HTR1F: variants seen among roughly 807,000 people sequenced by gnomAD.
HTR1F encodes the protein 5-hydroxytryptamine receptor 1F, also known as 5-hydroxytryptamine (serotonin) receptor 1F, G protein-coupled.
HTR1F carries 17 observed loss-of-function variants against 24.0 expected under a neutral mutation model. The ratio of observed to expected loss-of-function variants is 0.71; its 90% CI spans 0.48 to 1.06. The LOEUF (loss-of-function observed/expected upper bound fraction) is 1.06, where lower values mean the gene tolerates loss of function less well. Among genes scored for constraint, HTR1F ranks in the 50% least tolerant of loss-of-function variants. The pLI is 0.00. For missense variants in HTR1F, 391 were observed against 427.8 expected (o/e 0.91, Z 0.76); for synonymous variants, 186 against 156.8 (o/e 1.19, Z -1.39).
intron 2 of HTR1F, among the ~76,000 whole-genome samples, chr3:87,867,142 C>T (rs1050628048): frequency 2.6e-5 from 4 of 151,776 alleles, no homozygotes; most frequent in Admixed American, 6.6e-5. Flanking sequence ...TTCCAGAACA[C>T]GGTAGGAAAT....
intron 1 of HTR1F, among the ~76,000 whole-genome samples, chr3:87,806,883 T>C (rs1704082162): frequency 6.6e-6 from 1 of 151,834 alleles, no homozygotes; most frequent in African/African-American, 2.4e-5. Flanking sequence ...GACCATTTAT[T>C]GAAGAGACTC....
At chr3:87,919,992 G>A (rs1703976139) in intron 2 of HTR1F, among the ~76,000 whole-genome samples, 1 of 148,810 alleles carries the variant, frequency 6.7e-6, no homozygotes, top group Non-Finnish European at 1.5e-5. Context: ...TCAATGAGTG[G>A]ATAAAGAAAC....
chr3:87,935,001 G>T (rs1704376881), intron 2 of HTR1F, among the ~76,000 whole-genome samples: 1 of 152,084 alleles, frequency 6.6e-6, no homozygotes, highest in African/African-American at 2.4e-5. Context: ...AAGTAGCTGG[G>T]ACCAAAGTCC....
intron 1 of HTR1F, among the ~76,000 whole-genome samples, chr3:87,803,825 T>C (rs895291655): frequency 2.0e-5 from 3 of 152,172 alleles, no homozygotes; most frequent in African/African-American, 7.2e-5. Flanking sequence ...AATAAACTGA[T>C]CATTTTTACA....
intron 2 of HTR1F, among the ~76,000 whole-genome samples, chr3:87,900,221 T>G (rs2938269): frequency 0.089 from 13,528 of 152,102 alleles, 1,890 homozygotes; most frequent in African/African-American, 0.3. Flanking sequence ...AGATAAAGTC[T>G]CGTGGATGGG....
At chr3:87,911,004 C>T (rs777892206) in intron 2 of HTR1F, among the ~76,000 whole-genome samples, 34 of 151,750 alleles carry the variant, frequency 2.2e-4, no homozygotes, top group Non-Finnish European at 5.0e-4. Context: ...GCACTAAATG[C>T]CTACATCAAA....
chr3:87,967,812 G>C (rs1426926552), intron 2 of HTR1F, among the ~76,000 whole-genome samples: 2 of 152,158 alleles, frequency 1.3e-5, no homozygotes, highest in Admixed American at 1.3e-4. Context: ...CCCAGTCTCA[G>C]GTATGTGTAT....
At chr3:87,797,872 CA>C (rs1050947921) in intron 1 of HTR1F, among the ~76,000 whole-genome samples, 6 of 152,026 alleles carry the variant, frequency 3.9e-5, no homozygotes, top group Non-Finnish European at 7.4e-5. Flanking sequence ...GATGGTGGGA[CA>C]AAAAGGAATA....
chr3:87,846,366 A>C (rs1704944035), intron 2 of HTR1F, among the ~76,000 whole-genome samples: 1 of 151,874 alleles, frequency 6.6e-6, no homozygotes. Context: ...CCTGGGAGGC[A>C]GAGGTTGTTG....
chr3:87,849,406 T>C (rs952857420), intron 2 of HTR1F, among the ~76,000 whole-genome samples: 1 of 151,878 alleles, frequency 6.6e-6, no homozygotes, highest in Non-Finnish European at 1.5e-5. Flanking sequence ...GCTAGCCATA[T>C]GTAGAAAGCT....
chr3:87,812,644 G>C (rs1704181088), intron 1 of HTR1F, among the ~76,000 whole-genome samples: 1 of 152,142 alleles, frequency 6.6e-6, no homozygotes, highest in Admixed American at 6.5e-5. Context: ...AAGACAATGG[G>C]GAAAATATCT....
chr3:87,924,145 C>T (rs79431401), intron 2 of HTR1F, among the ~76,000 whole-genome samples: 1 of 151,914 alleles, frequency 6.6e-6, no homozygotes, highest in Non-Finnish European at 1.5e-5. Context: ...TTTTGGAAGA[C>T]TTTTTATTAA....
intron 2 of HTR1F, among the ~76,000 whole-genome samples, chr3:87,943,262 C>A (rs370096426): frequency 6.6e-6 from 1 of 152,096 alleles, no homozygotes; most frequent in Non-Finnish European, 1.5e-5. Flanking sequence ...GCAGTTATGG[C>A]GACACTTCTC....
Position 87,796,124 on chromosome 3 carries a change from G to A in HTR1F, c.-160+3282G>A, listed in dbSNP as rs1278563681. Among the ~76,000 whole-genome samples the A allele has an allele frequency of 2.6e-5, 4 of 152,180 alleles. No individual in the cohort carries two copies. In the South Asian group the frequency reaches 6.2e-4, roughly 24 times the overall value. ...CAAGAAGGCTGTCAGGCAGTCACTAGTGTTTGCCAGCCTAGTCTTTAACCA... is the reference window on the plus strand; with the variant it reads ...CAAGAAGGCTGTCAGGCAGTCACTAATGTTTGCCAGCCTAGTCTTTAACCA... On this transcript the variant is annotated intron_variant, in intron 1 of 2. Transcript: ENST00000319595.
intron 2 of HTR1F, among the ~76,000 whole-genome samples, chr3:87,948,165 A>G (rs73141257): frequency 0.026 from 3,910 of 152,252 alleles, 79 homozygotes; most frequent in Non-Finnish European, 0.042. Context: ...AAAGATTCTG[A>G]ATCGTAAGTT....
intron 2 of HTR1F, among the ~76,000 whole-genome samples, chr3:87,956,751 G>C (rs1406441596): frequency 6.6e-6 from 1 of 151,308 alleles, no homozygotes; most frequent in African/African-American, 2.4e-5. Context: ...TCTTAGATAT[G>C]ACTTTTTAAA....
At chr3:87,916,371 C>T (rs1170841837) in intron 2 of HTR1F, among the ~76,000 whole-genome samples, 1 of 147,012 alleles carries the variant, frequency 6.8e-6, no homozygotes, top group African/African-American at 2.5e-5. Context: ...TGGAATGGTA[C>T]CTCAATCTCA....
chr3:87,872,686 T>C (rs778973369), intron 2 of HTR1F, among the ~76,000 whole-genome samples: 3 of 152,046 alleles, frequency 2.0e-5, no homozygotes, highest in Non-Finnish European at 2.9e-5. Context: ...ACAAATTGGA[T>C]AGCCTAGAAG....
chr3:87,966,209 T>C (rs1705159381), intron 2 of HTR1F, among the ~76,000 whole-genome samples: 1 of 152,172 alleles, frequency 6.6e-6, no homozygotes, highest in South Asian at 2.1e-4. Flanking sequence ...TTCTCAAGCC[T>C]CTTTTATAAA....
Sources: allele counts gnomAD v4.1 joint callset (sites outside exome capture counted in the v4.1 genomes callset), GRCh38; gene constraint gnomAD v4.1.1; transcripts MANE v1.5; gene names NCBI Gene and HGNC (gene_info 2026-07-23, HGNC 2026-07-21).